The following TMC2 variants were observed in gnomAD, a reference collection of about 807,000 sequenced individuals.
The protein encoded by TMC2 is transmembrane channel-like protein 2.
In TMC2, 102 loss-of-function variants were observed where a neutral mutation model predicts 105.9. The ratio of observed to expected loss-of-function variants is 0.96; its 90% confidence interval spans 0.82 to 1.14. The LOEUF (loss-of-function observed/expected upper bound fraction) is 1.14. Among genes scored for constraint, TMC2 ranks in the 50% most tolerant of loss-of-function variants. The pLI, the probability that TMC2 is intolerant of heterozygous loss-of-function variation, is 0.00. For synonymous variants in TMC2, 402 were observed against 422.8 expected (o/e 0.95, Z 0.60); for missense variants, 1,093 against 1,134.3 (o/e 0.96, Z 0.52).
At chr20:2,559,686 G>A (rs2086011814) in intron 3 of TMC2, among the ~76,000 whole-genome samples, 1 of 152,102 alleles carries the variant, frequency 6.6e-6, no homozygotes, top group Non-Finnish European at 1.5e-5. Flanking sequence ...TTTACAGAGA[G>A]GCTTTTAAAC....
intron 16 of TMC2, chr20:2,618,198 C>T (rs1359222134): frequency 6.5e-6 from 1 of 152,776 alleles, no homozygotes; most frequent in Non-Finnish European, 1.5e-5. Context: ...CTGATCACCT[C>T]ATTCTACTCT....
Position 2,641,332 on chromosome 20 carries a change from C to G in TMC2, c.2702C>G (p.Ala901Gly). Residue 901 changes from alanine (A) to glycine (G), a missense_variant, in exon 20 of 20, where the codon GCT becomes GGT. Coordinates refer to ENST00000358864, the MANE Select transcript of TMC2 (RefSeq NM_080751.3). ...HPWRSASGKS[A>G]QRPPH ...TGGAGGTCAGCCTCTGGAAAGAGTG[C>G]TCAGAGACCTCCCCACTGATGGCTA... 1 of 1,613,208 alleles carries G rather than the reference C, an allele frequency of 6.2e-7. No homozygotes were observed.
intron 11 of TMC2, among the ~76,000 whole-genome samples, chr20:2,607,375 C>A (rs2086401711): frequency 6.6e-6 from 1 of 152,166 alleles, no homozygotes; most frequent in African/African-American, 2.4e-5. Context: ...AATTTCAATT[C>A]TGTTCTCAGA....
intron 5 of TMC2, among the ~76,000 whole-genome samples, chr20:2,578,544 T>C (rs1439512435): frequency 6.6e-6 from 1 of 152,158 alleles, no homozygotes; most frequent in African/African-American, 2.4e-5. Context: ...GTTTGGTACA[T>C]AGTCTGGGTG....
chr20:2,636,035 G>A, intron 18 of TMC2, 31 bp downstream of exon 18: 4 of 1,584,606 alleles, frequency 2.5e-6, no homozygotes, highest in South Asian at 1.1e-5. Flanking sequence ...ATCCTGGACG[G>A]TAAAAAGAGA....
chr20:2,559,713 T>C (rs1365527077), intron 3 of TMC2, among the ~76,000 whole-genome samples: 2 of 152,202 alleles, frequency 1.3e-5, no homozygotes, highest in African/African-American at 4.8e-5. Context: ...ACTGATTTTT[T>C]TCCTGTCGCC....
chr20:2,610,388 T>C (rs767191658), intron 11 of TMC2, 31 bp from the exon 12 acceptor site: 4 of 1,580,952 alleles, frequency 2.5e-6, no homozygotes, highest in South Asian at 2.3e-5. Flanking sequence ...ATAATGTTGA[T>C]GACACAACGT....
At chr20:2,598,018 T>C (rs565459531) in intron 10 of TMC2, among the ~76,000 whole-genome samples, 120 of 152,180 alleles carry the variant, frequency 7.9e-4, no homozygotes, top group African/African-American at 2.6e-3. Context: ...GGTCCTGACA[T>C]TGGTTTTTCA....
In TMC2 at chr20:2,642,677, T is replaced by C. The variant is rs1397045072; in HGVS notation, c.*1326T>C. ...AGGCCTTGATGGCAAGGGCAGAGCC[T>C]AGGTAGGGTGGGAGTCACAGTCCAG... is the stretch of plus-strand genomic sequence containing the variant. On this transcript the variant is annotated 3_prime_UTR_variant, in exon 20 of 20. Coordinates refer to ENST00000358864, the MANE Select transcript of TMC2 (RefSeq NM_080751.3). Among the ~76,000 whole-genome samples the C allele has an allele frequency of 2.6e-5, 4 of 152,122 alleles. No homozygotes were observed. The highest frequency in any genetic ancestry group is 5.9e-5 in the Non-Finnish European group (4 of 68,016).
chr20:2,592,441 T>C lies in TMC2; in HGVS notation c.933+33T>C. On this transcript the variant is annotated intron_variant, in intron 8 of 19. Transcript: ENST00000358864. The surrounding 1 kb of genome is among the most constrained non-coding windows in gnomAD (Gnocchi z 4.9). ...TGTCAACATGCCAATGAACTTCCAT[T>C]TGTGATTATAAAGGCTAAAGATTGC... 7.1e-7 allele frequency: 1 copy of C among 1,409,004 alleles called. No individual in the cohort carries two copies. Among genetic ancestry groups the C allele is most frequent in the Non-Finnish European group, 1.0e-6 (1 of 992,974 alleles). 87.3% of individuals were successfully genotyped at this position (1,409,004 alleles called of 1,614,324 possible). A position where few individuals can be genotyped will look rare whatever the true frequency, so the allele number is the denominator to read the frequency against.
intron 2 of TMC2, among the ~76,000 whole-genome samples, chr20:2,549,742 C>T (rs1363088375): frequency 6.6e-6 from 1 of 152,162 alleles, no homozygotes. Context: ...TTTTCCTATC[C>T]TTCTGAAGTT....
intron 17 of TMC2, among the ~76,000 whole-genome samples, chr20:2,630,203 G>A (rs374655246): frequency 3.7e-4 from 57 of 152,224 alleles, no homozygotes; most frequent in African/African-American, 1.0e-3. Context: ...AAAAGGAGTC[G>A]ATTGCATTGG....
chr20:2,564,849 T>G (rs1018351620), intron 4 of TMC2, among the ~76,000 whole-genome samples: 1 of 152,150 alleles, frequency 6.6e-6, no homozygotes. Flanking sequence ...TCCCTGGACC[T>G]CCCTCCTGTC....
In TMC2 at chr20:2,536,642, C is replaced by T. The variant is rs2085850691; in HGVS notation, c.21C>T (p.Gly7=). Residue 7 remains glycine, a synonymous_variant, in exon 1 of 20, where the codon GGC becomes GGT. Coordinates refer to ENST00000358864, the MANE Select transcript of TMC2 (RefSeq NM_080751.3). MSHQVK[G]LKEEARGGVK... ...TGACCATGAGCCACCAGGTAAAGGG[C>T]CTGAAAGAGGAAGGTGAGTCCACGT... 3 of 1,575,816 alleles carry T rather than the reference C, an allele frequency of 1.9e-6. No individual in the cohort carries two copies. The highest frequency in any genetic ancestry group is 2.6e-6 in the Non-Finnish European group (3 of 1,160,694).
At chr20:2,545,707 A>T (rs374149873) in intron 2 of TMC2, among the ~76,000 whole-genome samples, 1 of 108,090 alleles carries the variant, frequency 9.3e-6, no homozygotes, top group African/African-American at 2.8e-5. Context: ...AGAAGAAAGA[A>T]GAAGGAAGAA....
chr20:2,560,520 T>C (rs1440131074), intron 3 of TMC2, among the ~76,000 whole-genome samples: 1 of 152,114 alleles, frequency 6.6e-6, no homozygotes, highest in Non-Finnish European at 1.5e-5. Context: ...CTCACTCAGC[T>C]GAGAGTCACT....
At chr20:2,556,395 A>T (rs947546850) in intron 2 of TMC2, among the ~76,000 whole-genome samples, 2 of 151,910 alleles carry the variant, frequency 1.3e-5, no homozygotes, top group Non-Finnish European at 2.9e-5. Flanking sequence ...TTCTTTATTT[A>T]TTGCTTCTTG....
chr20:2,620,671 C>G (rs904856914), intron 16 of TMC2, among the ~76,000 whole-genome samples: 2 of 152,090 alleles, frequency 1.3e-5, no homozygotes, highest in African/African-American at 2.4e-5. Context: ...AATTCTGTGG[C>G]GGGAAACAGA....
At chr20:2,603,611 T>A (rs2086367441) in intron 11 of TMC2, among the ~76,000 whole-genome samples, 1 of 152,178 alleles carries the variant, frequency 6.6e-6, no homozygotes, top group Non-Finnish European at 1.5e-5. Context: ...CTAGGTTATT[T>A]GGATCAAGTA....
Sources: allele counts gnomAD v4.1 joint callset (sites outside exome capture counted in the v4.1 genomes callset), GRCh38; gene constraint gnomAD v4.1.1; non-coding constraint Gnocchi (gnomAD v3.1); transcripts MANE v1.5; gene names NCBI Gene and HGNC (gene_info 2026-07-23, HGNC 2026-07-21).